ANKRD13B: variants seen among roughly 807,000 people sequenced by gnomAD.
The protein encoded by ANKRD13B is ankyrin repeat domain 13B, also known as ankyrin repeat domain-containing protein 13B.
A neutral mutation model predicts 74.4 loss-of-function variants in ANKRD13B; 33 were observed. That is an observed-to-expected ratio of 0.44 (90% confidence interval 0.34 to 0.59). The LOEUF (loss-of-function observed/expected upper bound fraction) is 0.59, where lower values mean the gene tolerates loss of function less well. ANKRD13B is among the 20% of genes least tolerant of loss of function. The pLI is 0.02. For synonymous variants in ANKRD13B, 341 were observed against 362.9 expected (o/e 0.94, Z 0.68); for missense variants, 676 against 877.9 (o/e 0.77, Z 2.91).
Position 29,608,340 on chromosome 17 carries a change from CCTCTATGCCTTAG to C in ANKRD13B, c.421+104_421+116del. The C allele has an allele frequency of 6.6e-7, 1 of 1,504,794 alleles. No individual in the cohort carries two copies. 93.2% of individuals were successfully genotyped at this position (1,504,794 alleles called of 1,614,324 possible). On this transcript the variant is annotated intron_variant, in intron 4 of 14. Transcript: ENST00000394859. This position sits in a 1 kb window ranked among gnomAD's most constrained non-coding sequence, Gnocchi z 6.4. ...GTTCTCATAGTTCTTCCGGCGGTTC[CCTCTATGCCTTAG>C]CTCAGCTCAGGGCCACCGCCTCAGC...
At position 29,613,416 on chromosome 17, in the gene ANKRD13B, C is replaced by T. The variant is rs1238479049; in HGVS notation, c.1715C>T (p.Pro572Leu). ...APPASVPSPR[P>L]SSGPGSGGHV... ...CCGGCGTCAGTGCCCAGCCCTCGGC[C>T]CAGCTCAGGGCCAGGTTCCGGCGGC... Residue 572 changes from proline (P) to leucine (L), a missense_variant, in exon 15 of 15, where the codon CCC becomes CTC. By Grantham distance (98) the Pro-to-Leu change is moderately conservative (BLOSUM62 -3). Around this residue, in one of 4 missense-constraint regions of ANKRD13B, gnomAD observed 108 missense variants for 90.3 expected, o/e 1.20. Transcript: ENST00000394859. 9.2e-6 allele frequency: 14 copies of T among 1,521,078 alleles called. No individual in the cohort carries two copies. The highest frequency in any genetic ancestry group is 1.1e-5 in the Non-Finnish European group (13 of 1,138,452). 94.2% of individuals were successfully genotyped at this position (1,521,078 alleles called of 1,614,324 possible).
intron 1 of ANKRD13B, among the ~76,000 whole-genome samples, chr17:29,596,723 G>T (rs979794299): frequency 1.3e-5 from 2 of 152,244 alleles, no homozygotes; most frequent in African/African-American, 4.8e-5. Context: ...GAGATGGGTT[G>T]TGGGGCCCAG....
chr17:29,597,182 A>T (rs1207374872), intron 1 of ANKRD13B, among the ~76,000 whole-genome samples: 3 of 152,188 alleles, frequency 2.0e-5, no homozygotes, highest in Non-Finnish European at 4.4e-5. Context: ...CATACATGAG[A>T]TGTATGCTTT....
At chr17:29,595,618 G>A (rs1042570362) in intron 1 of ANKRD13B, among the ~76,000 whole-genome samples, 2 of 152,124 alleles carry the variant, frequency 1.3e-5, no homozygotes, top group Non-Finnish European at 2.9e-5. Flanking sequence ...GGCTGCTCAT[G>A]TGTTTCTCTC....
At position 29,609,207 on chromosome 17, in the gene ANKRD13B, G is replaced by C; in HGVS notation, c.687G>C (p.Gln229His). The stretch of plus-strand genomic sequence containing the variant: ...CTGCTGCTCAGCCCACTGAGGAACA[G>C]GTGCTGAGCCGGCTTACCGCGCCCG... ...LLAAAQPTEEQVLSRLTAPVV... is the reference protein window; with the variant it reads ...LLAAAQPTEEHVLSRLTAPVV... Residue 229 changes from glutamine to histidine, a missense_variant, in exon 6 of 15, where the codon CAG becomes CAC. This residue lies in a region of ANKRD13B where 328 missense variants were observed against 518.4 expected (regional missense o/e 0.63). Coordinates refer to ENST00000394859, the MANE Select transcript of ANKRD13B (RefSeq NM_152345.5). This position sits in a 1 kb window ranked among gnomAD's most constrained non-coding sequence, Gnocchi z 4.0. The C allele has an allele frequency of 6.2e-7, 1 of 1,612,930 alleles. No homozygotes were observed.
At chr17:29,601,325 G>A (rs2034170729) in intron 1 of ANKRD13B, among the ~76,000 whole-genome samples, 2 of 151,522 alleles carry the variant, frequency 1.3e-5, no homozygotes, top group Admixed American at 6.6e-5. Flanking sequence ...AGGTTCAAGC[G>A]ATTCTTGTGC....
In ANKRD13B at chr17:29,608,262, G is replaced by A. The variant is rs760959256; in HGVS notation, c.421+22G>A. 13 of 1,613,930 alleles carry A rather than the reference G, an allele frequency of 8.1e-6. 1 individual carries two copies. In the East Asian group the frequency reaches 1.1e-4, roughly 14 times the overall value. On this transcript the variant is annotated intron_variant, in intron 4 of 14. Coordinates refer to ENST00000394859, the MANE Select transcript of ANKRD13B (RefSeq NM_152345.5). The surrounding 1 kb of genome is among the most constrained non-coding windows in gnomAD (Gnocchi z 6.4). The stretch of plus-strand genomic sequence containing the variant: ...TGGGGTAAGCGGGCTGCAGCAGGTC[G>A]CTTCTGGGCTCTCCCACTTTAGGTC...
At position 29,594,660 on chromosome 17, in the gene ANKRD13B, G is replaced by A. The variant is rs560559477; in HGVS notation, c.114+925G>A. ...GAGATGACCCCCCGCCTCCAGGGTG[G>A]GCTGCAAGAGCCAGAGCTGGGCCCG... On this transcript the variant is annotated intron_variant, in intron 1 of 14. Transcript: ENST00000394859. Among the ~76,000 whole-genome samples, 5 of 152,358 alleles carry A rather than the reference G, an allele frequency of 3.3e-5. No individual in the cohort carries two copies. The South Asian group carries it at 1.0e-3, about 32-fold the overall frequency.
At chr17:29,593,896 T>TGGGAGCGGGCCCTGCCCGCG in intron 1 of ANKRD13B, 161 bp downstream of exon 1, 10 of 203,802 alleles carry the variant, frequency 4.9e-5, no homozygotes, top group East Asian at 2.0e-4. Context: ...GAAAGGGTGA[T>TGGGAGCGGGCCCTGCCCGCG]CCCCTCCGGC....
chr17:29,595,152 G>A (rs1213869527), intron 1 of ANKRD13B, among the ~76,000 whole-genome samples: 2 of 152,234 alleles, frequency 1.3e-5, no homozygotes, highest in African/African-American at 4.8e-5. Context: ...CGAGAAGCCT[G>A]TTAAAGAGAG....
chr17:29,608,919 G>T lies in ANKRD13B; in HGVS notation c.490G>T (p.Val164Leu). 6.2e-7 allele frequency: 1 copy of T among 1,614,066 alleles called. No homozygotes were observed. The highest frequency in any genetic ancestry group is 8.5e-7 in the Non-Finnish European group (1 of 1,180,010). ...GTGGAAGAGCGGCCAGAACCTGAGG[G>T]TAGACACCACACTCCTGGGCTTTGA... ...KVWKSGQNLR[V>L]DTTLLGFDHM... is the part of the protein sequence containing the mutation. Residue 164 changes from valine to leucine, a missense_variant, in exon 5 of 15, where the codon GTA becomes TTA. Val to Leu is a conservative substitution (Grantham distance 32, BLOSUM62 1). Transcript: ENST00000394859. This position sits in a 1 kb window ranked among gnomAD's most constrained non-coding sequence, Gnocchi z 6.4.
rs1454174464 is a variant in ANKRD13B at position 29,608,826 on chromosome 17, C to T, written c.422-25C>T. 1.2e-6 allele frequency: 2 copies of T among 1,613,834 alleles called. No individual in the cohort carries two copies. Among genetic ancestry groups the T allele is most frequent in the Middle Eastern group, 1.6e-4 (1 of 6,062 alleles). Reference sequence around the variant, plus strand: ...CCGTGTAGGCCAGACCAGTCAAAGCCACCTCCAACCTCCGCTTCCACCAGT... The same window carrying T: ...CCGTGTAGGCCAGACCAGTCAAAGCTACCTCCAACCTCCGCTTCCACCAGT... On this transcript the variant is annotated intron_variant, in intron 4 of 14. Transcript: ENST00000394859. The surrounding 1 kb of genome is among the most constrained non-coding windows in gnomAD (Gnocchi z 6.4).
In ANKRD13B at chr17:29,595,077, C is replaced by A. The variant is rs922222233; in HGVS notation, c.114+1342C>A. Among the ~76,000 whole-genome samples the A allele has an allele frequency of 1.2e-4, 19 of 152,218 alleles. 1 individual carries two copies. The highest frequency in any genetic ancestry group is 1.8e-4 in the Non-Finnish European group (12 of 68,050). On this transcript the variant is annotated intron_variant, in intron 1 of 14. Transcript: ENST00000394859. The stretch of plus-strand genomic sequence containing the variant: ...CTATGCCAGCACTCTCCGAGTTTCT[C>A]CTCAGACTGAACTCCTCAGACCCTG...
At chr17:29,596,544 G>C (rs2033962789) in intron 1 of ANKRD13B, among the ~76,000 whole-genome samples, 1 of 152,236 alleles carries the variant, frequency 6.6e-6, no homozygotes, top group African/African-American at 2.4e-5. Flanking sequence ...TCCCGTGGGA[G>C]GGACATGTGT....
At chr17:29,599,378 C>G (rs1479186313) in intron 1 of ANKRD13B, 1 of 92,758 alleles carries the variant, frequency 1.1e-5, no homozygotes, top group African/African-American at 5.9e-5. Context: ...ACAATAGAGC[C>G]TGGCAACCGG....
In ANKRD13B at chr17:29,613,367, A is replaced by G. The variant is rs1280109304; in HGVS notation, c.1666A>G (p.Thr556Ala). ...GRRQDRSAPP[T>A]PQRQPAPPAS... ...CCCCACCCCCAGGAGCGCCCCGCCCACGCCGCAGCGCCAGCCTGCGCCCCC... is the reference window on the plus strand; with the variant it reads ...CCCCACCCCCAGGAGCGCCCCGCCCGCGCCGCAGCGCCAGCCTGCGCCCCC... The change falls in exon 15 of 15, where the codon ACG (threonine) becomes GCG (alanine). Residue 556 changes from threonine (T) to alanine (A), a missense_variant. Transcript: ENST00000394859. 2 of 1,465,812 alleles carry G rather than the reference A, an allele frequency of 1.4e-6. No individual in the cohort carries two copies. Among genetic ancestry groups the G allele is most frequent in the African/African-American group, 3.0e-5 (2 of 67,464 alleles). The allele number at this position is 1,465,812 out of a possible 1,614,324, so 90.8% of individuals were successfully genotyped here.
intron 1 of ANKRD13B, among the ~76,000 whole-genome samples, chr17:29,604,547 C>CT (rs555021703): frequency 0.021 from 2,812 of 133,802 alleles, 74 homozygotes; most frequent in African/African-American, 0.067. Context: ...CTTTTCTTTT[C>CT]TTTTTTTTTT....
intron 1 of ANKRD13B, among the ~76,000 whole-genome samples, chr17:29,604,095 A>AT (rs1051617279): frequency 2.2e-4 from 33 of 152,002 alleles, no homozygotes; most frequent in African/African-American, 7.7e-4. Context: ...TTTTAACTGA[A>AT]TTTTGGACAT....
chr17:29,598,627 C>T (rs1479155688), intron 1 of ANKRD13B, among the ~76,000 whole-genome samples: 3 of 152,170 alleles, frequency 2.0e-5, no homozygotes, highest in Admixed American at 2.0e-4. Context: ...CAGCTCAGTG[C>T]AGCCTCTGCC....
Sources: gnomAD v4.1 joint callset for allele counts (sites outside exome capture counted in the v4.1 genomes callset) on GRCh38, gnomAD v4.1.1 for gene constraint, gnomAD v4.1.1 regional missense constraint, Gnocchi (gnomAD v3.1) non-coding constraint, MANE v1.5 for transcripts, NCBI Gene and HGNC (gene_info 2026-07-23, HGNC 2026-07-21) for gene names.